RAB7A: variants seen among roughly 807,000 people sequenced by gnomAD.
RAB7A encodes the protein RAB7A, member RAS oncogene family, also known as ras-related protein Rab-7a.
In RAB7A, 2 loss-of-function variants were observed where a neutral mutation model predicts 24.5. The observed-to-expected ratio is 0.08, with a 90% CI of 0.03 to 0.26. The LOEUF is 0.26. RAB7A is among the 10% of genes least tolerant of loss of function. The probability of loss-of-function intolerance (pLI) is 1.00; values close to 1 mark genes in which losing one functional copy is unlikely to be tolerated. For missense variants in RAB7A, 118 were observed against 255.7 expected (o/e 0.46, Z 3.67); for synonymous variants, 100 against 95.9 (o/e 1.04, Z -0.25).
intron 1 of RAB7A, among the ~76,000 whole-genome samples, chr3:128,782,277 C>G (rs779378041): frequency 3.3e-5 from 5 of 152,174 alleles, no homozygotes; most frequent in Admixed American, 6.5e-5. Flanking sequence ...TTGTGTAAAT[C>G]TCGAATTCTC....
chr3:128,782,611 G>A (rs577087385), intron 1 of RAB7A, among the ~76,000 whole-genome samples: 4 of 142,280 alleles, frequency 2.8e-5, no homozygotes, highest in African/African-American at 1.0e-4. Flanking sequence ...TGCCTCTGTT[G>A]TCCATAGTAG....
chr3:128,784,115 TC>T (rs1287798709), intron 1 of RAB7A, among the ~76,000 whole-genome samples: 3 of 152,200 alleles, frequency 2.0e-5, no homozygotes, highest in Admixed American at 6.5e-5. Flanking sequence ...AAACTAGTAT[TC>T]CCTCAGTTAA....
At chr3:128,770,910 G>A (rs2070878802) in intron 1 of RAB7A, among the ~76,000 whole-genome samples, 1 of 151,650 alleles carries the variant, frequency 6.6e-6, no homozygotes, top group South Asian at 2.1e-4. Context: ...TGCTTGTTAG[G>A]GTAACCTGAA....
At chr3:128,782,903 G>A (rs1240423230) in intron 1 of RAB7A, among the ~76,000 whole-genome samples, 4 of 152,148 alleles carry the variant, frequency 2.6e-5, no homozygotes, top group African/African-American at 9.7e-5. Context: ...TTGCTTAGTG[G>A]TATATATGAG....
intron 1 of RAB7A, among the ~76,000 whole-genome samples, chr3:128,784,045 C>T (rs1438582476): frequency 1.8e-4 from 28 of 152,156 alleles, no homozygotes; most frequent in Non-Finnish European, 3.2e-4. Context: ...GGTGAATGCA[C>T]GTAACATTCC....
intron 1 of RAB7A, among the ~76,000 whole-genome samples, chr3:128,760,843 T>G (rs937315019): frequency 6.6e-6 from 1 of 152,076 alleles, no homozygotes; most frequent in African/African-American, 2.4e-5. Context: ...TCATTTCCAC[T>G]GCCGGTCCCA....
At chr3:128,791,671 A>C (rs1933456675) in intron 1 of RAB7A, among the ~76,000 whole-genome samples, 1 of 152,118 alleles carries the variant, frequency 6.6e-6, no homozygotes, top group Non-Finnish European at 1.5e-5. Flanking sequence ...TGGATAAGTG[A>C]TGGGCCACCC....
At chr3:128,772,713 G>A (rs1932980273) in intron 1 of RAB7A, among the ~76,000 whole-genome samples, 1 of 152,218 alleles carries the variant, frequency 6.6e-6, no homozygotes, top group Non-Finnish European at 1.5e-5. Context: ...CTCAATTAAG[G>A]GTTTAAAAGC....
At chr3:128,758,350 G>A (rs1302041927) in intron 1 of RAB7A, among the ~76,000 whole-genome samples, 2 of 148,628 alleles carry the variant, frequency 1.3e-5, no homozygotes, top group East Asian at 2.0e-4. Flanking sequence ...TCGGCTCACT[G>A]CAAGCTCCGC....
At chr3:128,793,576 A>C (rs1445493412) in intron 1 of RAB7A, among the ~76,000 whole-genome samples, 1 of 152,182 alleles carries the variant, frequency 6.6e-6, no homozygotes, top group Non-Finnish European at 1.5e-5. Context: ...CCCCATTATC[A>C]TCATCTGATC....
chr3:128,783,743 C>T (rs1050777973), intron 1 of RAB7A, among the ~76,000 whole-genome samples: 5 of 152,318 alleles, frequency 3.3e-5, no homozygotes, highest in African/African-American at 1.2e-4. Context: ...TGCTCTTTCT[C>T]ATTCCAGTCA....
At chr3:128,771,929 T>C (rs1932946122) in intron 1 of RAB7A, among the ~76,000 whole-genome samples, 2 of 152,198 alleles carry the variant, frequency 1.3e-5, no homozygotes, top group African/African-American at 2.4e-5. Flanking sequence ...CCTAAACATA[T>C]TATATTTTGC....
intron 1 of RAB7A, among the ~76,000 whole-genome samples, chr3:128,763,539 A>C (rs1246954669): frequency 6.6e-6 from 1 of 152,074 alleles, no homozygotes; most frequent in Non-Finnish European, 1.5e-5. Flanking sequence ...TTTTGACAAG[A>C]ATACTTCATT....
chr3:128,781,599 C>T (rs73198839), intron 1 of RAB7A, among the ~76,000 whole-genome samples: 6,318 of 152,214 alleles, frequency 0.042, 178 homozygotes, highest in Non-Finnish European at 0.058. Flanking sequence ...ATCTCTTGAG[C>T]CCCGGCGGTC....
At chr3:128,785,284 GA>G (rs1401404783) in intron 1 of RAB7A, 1 of 152,094 alleles carries the variant, frequency 6.6e-6, no homozygotes, top group African/African-American at 2.4e-5. Flanking sequence ...TCAGTAGAGT[GA>G]CCCCTCAGAA....
rs530485532 is a variant in RAB7A, at chr3:128,728,612, GC to G, written c.-9+2255del. 2.6e-3 allele frequency among the ~76,000 whole-genome samples: 401 copies of G among 152,214 alleles called. 4 individuals carry two copies. The highest frequency in any genetic ancestry group is 9.1e-3 in the African/African-American group (378 of 41,518). Reference sequence around the variant, plus strand: ...CGAGTGGCTGGAATTACAGGCATGCGCCACCATGCCCAGCTAATCTTGTATT... The same window carrying G: ...CGAGTGGCTGGAATTACAGGCATGCGCACCATGCCCAGCTAATCTTGTATT... On this transcript the variant is annotated intron_variant, in intron 1 of 5. Coordinates refer to ENST00000265062, the MANE Select transcript of RAB7A (RefSeq NM_004637.6).
intron 1 of RAB7A, among the ~76,000 whole-genome samples, chr3:128,733,598 G>A (rs1214784518): frequency 1.3e-5 from 2 of 152,104 alleles, no homozygotes; most frequent in Middle Eastern, 6.3e-3. Context: ...GCCTCTCCTT[G>A]GTTTGTAAAT....
intron 1 of RAB7A, among the ~76,000 whole-genome samples, chr3:128,765,660 G>A (rs891889398): frequency 1.3e-5 from 2 of 152,096 alleles, no homozygotes; most frequent in African/African-American, 4.8e-5. Context: ...GAAGGGGCGA[G>A]GTGGCTCGCT....
intron 1 of RAB7A, among the ~76,000 whole-genome samples, chr3:128,789,983 T>A (rs935937409): frequency 6.6e-6 from 1 of 151,834 alleles, no homozygotes; most frequent in African/African-American, 2.4e-5. Context: ...GTATAGCTGG[T>A]GTTTCACCAT....
Sources: gnomAD v4.1 joint callset for allele counts (sites outside exome capture counted in the v4.1 genomes callset) on GRCh38, gnomAD v4.1.1 for gene constraint, MANE v1.5 for transcripts, NCBI Gene and HGNC (gene_info 2026-07-23, HGNC 2026-07-21) for gene names.